Variants in DAB1 observed in about 807,000 individuals in gnomAD.
DAB1 encodes disabled homolog 1.
Under a neutral mutation model 64.6 loss-of-function variants are expected in DAB1, and 15 were observed. The observed-to-expected ratio is 0.23, with a 90% CI of 0.16 to 0.36. The LOEUF (loss-of-function observed/expected upper bound fraction) is 0.36. Ranked by LOEUF, DAB1 falls within the 10% of genes least tolerant of loss-of-function variation. DAB1 has a pLI of 1.00. For synonymous variants in DAB1, 235 were observed against 251.9 expected (o/e 0.93, Z 0.64); for missense variants, 596 against 706.7 (o/e 0.84, Z 1.78).
chr1:57,472,855 C>G (rs971903088), intron 7 of DAB1, among the ~76,000 whole-genome samples: 27 of 152,162 alleles, frequency 1.8e-4, no homozygotes, highest in African/African-American at 6.5e-4. Flanking sequence ...CTTAGCATGT[C>G]CATACCTTTA....
At chr1:58,444,720 G>C (rs1301247738) in intron 3 of DAB1, among the ~76,000 whole-genome samples, 1 of 152,100 alleles carries the variant, frequency 6.6e-6, no homozygotes, top group African/African-American at 2.4e-5. Flanking sequence ...AAAGGTTCTG[G>C]GCACAGAAAG....
chr1:57,084,043 T>A lies in DAB1; in HGVS notation c.307-11629A>T, dbSNP rs139877883. Among the ~76,000 whole-genome samples, 30 of 152,334 alleles carry A rather than the reference T, an allele frequency of 2.0e-4. 1 individual carries two copies. The East Asian group carries it at 5.4e-3, about 27-fold the overall frequency. On this transcript the variant is annotated intron_variant, in intron 4 of 14. Coordinates refer to ENST00000371236, the MANE Select transcript of DAB1 (RefSeq NM_001365792.1). ...CAAATATTCTGCTATCCAAATTGTTTGTCATTGTTAAGTGTTGAATTATGC... is the reference window on the plus strand; with the variant it reads ...CAAATATTCTGCTATCCAAATTGTTAGTCATTGTTAAGTGTTGAATTATGC...
chr1:57,492,461 A>G (rs1250587752), intron 7 of DAB1, among the ~76,000 whole-genome samples: 1 of 152,256 alleles, frequency 6.6e-6, no homozygotes, highest in Non-Finnish European at 1.5e-5. Flanking sequence ...TGCCTGTTCA[A>G]TAAAACTTGC....
chr1:57,706,429 C>T (rs968182440), intron 6 of DAB1, among the ~76,000 whole-genome samples: 1 of 152,062 alleles, frequency 6.6e-6, no homozygotes, highest in East Asian at 1.9e-4. Flanking sequence ...TCAATCCTCC[C>T]ACCTCAGCCT....
intron 4 of DAB1, among the ~76,000 whole-genome samples, chr1:57,094,582 AATTACAC>A (rs1311865813): frequency 6.6e-6 from 1 of 152,152 alleles, no homozygotes; most frequent in Non-Finnish European, 1.5e-5. Flanking sequence ...TCTAAATTAC[AATTACAC>A]ATTCACTTCC....
chr1:57,157,632 C>T (rs972043047), intron 2 of DAB1, among the ~76,000 whole-genome samples: 3 of 151,848 alleles, frequency 2.0e-5, no homozygotes, highest in Non-Finnish European at 4.4e-5. Flanking sequence ...TCTTACAAAG[C>T]CACTAATCCC....
intron 3 of DAB1, among the ~76,000 whole-genome samples, chr1:58,477,843 G>T (rs910989236): frequency 3.1e-4 from 47 of 152,208 alleles, no homozygotes; most frequent in African/African-American, 1.1e-3. Flanking sequence ...GGTTGGGTTT[G>T]TGTTGGTTCC....
chr1:58,434,541 T>C (rs1644920293), intron 3 of DAB1, among the ~76,000 whole-genome samples: 1 of 152,214 alleles, frequency 6.6e-6, no homozygotes, highest in Non-Finnish European at 1.5e-5. Context: ...GATTCCTTTT[T>C]GACTTGTTGA....
chr1:57,778,099 C>T (rs1315649801), intron 6 of DAB1, among the ~76,000 whole-genome samples: 1 of 152,000 alleles, frequency 6.6e-6, no homozygotes, highest in Non-Finnish European at 1.5e-5. Flanking sequence ...AATTGCTTGG[C>T]TTAGAATTCT....
intron 7 of DAB1, among the ~76,000 whole-genome samples, chr1:57,540,846 G>C (rs1212220573): frequency 6.6e-6 from 1 of 152,176 alleles, no homozygotes; most frequent in South Asian, 2.1e-4. Context: ...GGAATGAAGA[G>C]AGGTGGGTTG....
At chr1:57,657,713 A>T (rs923800197) in intron 6 of DAB1, among the ~76,000 whole-genome samples, 1 of 152,222 alleles carries the variant, frequency 6.6e-6, no homozygotes, top group African/African-American at 2.4e-5. Context: ...CCACCCCAAA[A>T]GAATACGTTC....
intron 1 of DAB1, among the ~76,000 whole-genome samples, chr1:57,347,166 T>C (rs1269795508): frequency 2.0e-5 from 3 of 152,300 alleles, no homozygotes; most frequent in Non-Finnish European, 4.4e-5. Flanking sequence ...AATATGCTTA[T>C]ACAAACTAGG....
chr1:57,986,897 C>A (rs749454493), intron 5 of DAB1, among the ~76,000 whole-genome samples: 5 of 152,264 alleles, frequency 3.3e-5, no homozygotes, highest in Admixed American at 6.5e-5. Context: ...TCTTATTTCT[C>A]ACTAAAATCC....
At chr1:57,932,920 A>C (rs1194114639) in intron 5 of DAB1, among the ~76,000 whole-genome samples, 1 of 152,230 alleles carries the variant, frequency 6.6e-6, no homozygotes, top group Non-Finnish European at 1.5e-5. Flanking sequence ...GCTCTCATAA[A>C]ACCCCATGTT....
intron 5 of DAB1, among the ~76,000 whole-genome samples, chr1:58,103,931 T>C (rs1027588073): frequency 2.0e-5 from 3 of 152,258 alleles, no homozygotes; most frequent in African/African-American, 4.8e-5. Flanking sequence ...CCTTTCACTT[T>C]TCCTCCCACT....
chr1:57,936,677 A>G (rs1162110973), intron 5 of DAB1, among the ~76,000 whole-genome samples: 5 of 152,000 alleles, frequency 3.3e-5, no homozygotes, highest in Non-Finnish European at 7.4e-5. Context: ...TGCTGGCATC[A>G]TGTTATTTTT....
chr1:58,410,967 T>G (rs1644661872), intron 3 of DAB1, among the ~76,000 whole-genome samples: 1 of 152,172 alleles, frequency 6.6e-6, no homozygotes, highest in Non-Finnish European at 1.5e-5. Flanking sequence ...TCAAAAGCCT[T>G]TGGTCTCCCT....
intron 1 of DAB1, among the ~76,000 whole-genome samples, chr1:58,529,659 T>A (rs531257131): frequency 6.6e-6 from 1 of 152,218 alleles, no homozygotes; most frequent in Admixed American, 6.5e-5. Flanking sequence ...AAAACCCAAA[T>A]ACAGTTGGCT....
intron 7 of DAB1, among the ~76,000 whole-genome samples, chr1:57,551,140 C>A (rs947997183): frequency 6.6e-6 from 1 of 152,184 alleles, no homozygotes; most frequent in Non-Finnish European, 1.5e-5. Context: ...TTCGTCTTGA[C>A]AATAGCACGT....
Sources: allele counts gnomAD v4.1 joint callset (sites outside exome capture counted in the v4.1 genomes callset), GRCh38; gene constraint gnomAD v4.1.1; transcripts MANE v1.5; gene names NCBI Gene and HGNC (gene_info 2026-07-23, HGNC 2026-07-21).